ROR2: variants seen among roughly 807,000 people sequenced by gnomAD.
ROR2 encodes the protein ROR family WNT receptor 2, also known as tyrosine-protein kinase transmembrane receptor ROR2.
A neutral mutation model predicts 74.9 loss-of-function variants in ROR2; 33 were observed. The ratio of observed to expected loss-of-function variants is 0.44; its 90% CI spans 0.33 to 0.59. ROR2 has a LOEUF of 0.59. Ranked by LOEUF, ROR2 falls within the 20% of genes least tolerant of loss-of-function variation. The pLI is 0.02. For synonymous variants in ROR2, 586 were observed against 558.7 expected, an observed-to-expected ratio of 1.05 and a Z score of -0.69; for missense variants, 1,216 against 1,313.8, an observed-to-expected ratio of 0.93 and a Z score of 1.15.
intron 1 of ROR2, among the ~76,000 whole-genome samples, chr9:91,872,321 T>C (rs548403045): frequency 6.6e-6 from 1 of 152,274 alleles, no homozygotes; most frequent in East Asian, 1.9e-4. Flanking sequence ...GCACCGTTCG[T>C]CCTGGGGTGC....
chr9:91,844,242 T>C (rs1293875266), intron 1 of ROR2, among the ~76,000 whole-genome samples: 2 of 152,352 alleles, frequency 1.3e-5, no homozygotes, highest in East Asian at 3.9e-4. Context: ...GCTAGACTTC[T>C]AGCTACCAGT....
intron 4 of ROR2, among the ~76,000 whole-genome samples, chr9:91,744,393 T>C (rs1825342630): frequency 6.6e-6 from 1 of 151,860 alleles, no homozygotes; most frequent in African/African-American, 2.4e-5. Context: ...AGCTAATTTT[T>C]GTATTTTTTA....
chr9:91,845,864 C>A (rs1828912719), intron 1 of ROR2, among the ~76,000 whole-genome samples: 1 of 65,130 alleles, frequency 1.5e-5, no homozygotes, highest in African/African-American at 5.4e-5. Context: ...GGCAACAGAG[C>A]AAGAATCCAT....
chr9:91,830,147 A>G (rs1828419740), intron 1 of ROR2, among the ~76,000 whole-genome samples: 1 of 152,140 alleles, frequency 6.6e-6, no homozygotes, highest in Non-Finnish European at 1.5e-5. Context: ...CTTTACACCC[A>G]TTGAATTTAT....
chr9:91,843,743 T>C (rs1828848875), intron 1 of ROR2, among the ~76,000 whole-genome samples: 1 of 152,254 alleles, frequency 6.6e-6, no homozygotes, highest in African/African-American at 2.4e-5. Flanking sequence ...ACAAGCCCCG[T>C]GGCACCACCC....
Position 91,724,664 on chromosome 9 carries a change from G to T in ROR2, c.1830C>A (p.His610Gln). The change falls in exon 9 of 9, where the codon CAC becomes CAA. Residue 610 changes from histidine to glutamine, a missense_variant. His to Gln is a conservative substitution (Grantham distance 24). Transcript: ENST00000375708. The stretch of plus-strand genomic sequence containing the variant: ...GGGTGGCCAGGTCCTTGTGAACCAC[G>T]TGGTGGCTGGATAGGTACTCCATCC... ...AAGMEYLSSHHVVHKDLATRN... is the reference protein window; with the variant it reads ...AAGMEYLSSHQVVHKDLATRN... 6.2e-7 allele frequency: 1 copy of T among 1,614,174 alleles called. No individual in the cohort carries two copies. The highest frequency in any genetic ancestry group is 1.1e-5 in the South Asian group (1 of 91,088).
intron 7 of ROR2, 28 bp downstream of exon 7, chr9:91,730,882 A>G (rs1353811777): frequency 2.5e-6 from 4 of 1,613,754 alleles, no homozygotes; most frequent in Middle Eastern, 1.6e-4. Context: ...CAATCAACAC[A>G]TTAAAAAAAG....
chr9:91,773,539 C>T (rs2118923592), intron 2 of ROR2, among the ~76,000 whole-genome samples: 1 of 152,326 alleles, frequency 6.6e-6, no homozygotes, highest in Admixed American at 6.5e-5. Context: ...TTTGTGCTAC[C>T]CATTGTGGGA....
chr9:91,855,498 C>T (rs1454611830), intron 1 of ROR2, among the ~76,000 whole-genome samples: 1 of 152,202 alleles, frequency 6.6e-6, no homozygotes, highest in Non-Finnish European at 1.5e-5. Flanking sequence ...GGTTCATCTC[C>T]CACAGCACTG....
chr9:91,823,120 G>A (rs1385850013), intron 1 of ROR2, among the ~76,000 whole-genome samples: 1 of 152,206 alleles, frequency 6.6e-6, no homozygotes, highest in Admixed American at 6.5e-5. Flanking sequence ...TTTGCAGAGA[G>A]AGAAGCTATT....
At chr9:91,744,812 T>C (rs1825356515) in intron 4 of ROR2, among the ~76,000 whole-genome samples, 2 of 152,176 alleles carry the variant, frequency 1.3e-5, no homozygotes, top group Non-Finnish European at 2.9e-5. Flanking sequence ...AGGGTGCCAG[T>C]TCCCTGGGAA....
intron 1 of ROR2, among the ~76,000 whole-genome samples, chr9:91,858,452 T>C (rs1354200476): frequency 1.3e-5 from 2 of 152,118 alleles, no homozygotes; most frequent in Admixed American, 1.3e-4. Flanking sequence ...CACAGAGCAG[T>C]GGTTCTCAAA....
intron 1 of ROR2, among the ~76,000 whole-genome samples, chr9:91,936,813 G>A (rs935177004): frequency 1.3e-5 from 2 of 151,628 alleles, no homozygotes; most frequent in African/African-American, 2.4e-5. Context: ...GGCGGATCAC[G>A]AGGTCAGGAG....
intron 1 of ROR2, among the ~76,000 whole-genome samples, chr9:91,892,899 T>C (rs1671183568): frequency 6.6e-6 from 1 of 152,090 alleles, no homozygotes; most frequent in Non-Finnish European, 1.5e-5. Flanking sequence ...CACAGATACT[T>C]TCTCTTTTGT....
intron 1 of ROR2, among the ~76,000 whole-genome samples, chr9:91,821,350 T>G (rs1828132905): frequency 6.6e-6 from 1 of 152,206 alleles, no homozygotes. Context: ...GTGATAGGCA[T>G]GCATTGCTTC....
At chr9:91,927,562 C>CCTTTTTTTTTTTT (rs1831440201) in intron 1 of ROR2, among the ~76,000 whole-genome samples, 1 of 94,944 alleles carries the variant, frequency 1.1e-5, no homozygotes, top group Non-Finnish European at 2.0e-5. Flanking sequence ...TTTCTAGATT[C>CCTTTTTTTTTTTT]TTTTTTTTTT....
At chr9:91,809,647 T>A (rs1827680042) in intron 1 of ROR2, among the ~76,000 whole-genome samples, 1 of 152,228 alleles carries the variant, frequency 6.6e-6, no homozygotes, top group African/African-American at 2.4e-5. Flanking sequence ...CCAGTGTGAC[T>A]CATTTTTAGC....
chr9:91,737,481 G>T lies in ROR2; in HGVS notation c.532C>A (p.Arg178=), dbSNP rs377228797. 1 of 1,614,040 alleles carries T rather than the reference G, an allele frequency of 6.2e-7. No individual in the cohort carries two copies. The highest frequency in any genetic ancestry group is 1.3e-5 in the African/African-American group (1 of 74,900). The change falls in exon 5 of 9, where the codon CGG becomes AGG. Residue 178 remains arginine, a synonymous_variant. Coordinates refer to ENST00000375708, the MANE Select transcript of ROR2 (RefSeq NM_004560.4). ...ATGAAGCGTGCACAGGCAATTCCCCGGTAAGGCTGGCAGAACCCATCCTCG... is the reference window on the plus strand; with the variant it reads ...ATGAAGCGTGCACAGGCAATTCCCCTGTAAGGCTGGCAGAACCCATCCTCG... ...YHEDGFCQPY[R]GIACARFIGN...
At chr9:91,919,004 CCT>C (rs1246285631) in intron 1 of ROR2, among the ~76,000 whole-genome samples, 5 of 149,280 alleles carry the variant, frequency 3.3e-5, no homozygotes, top group East Asian at 1.9e-4. Context: ...AGTCCGCACC[CCT>C]GTGACCTCAT....
Sources: gnomAD v4.1 joint callset for allele counts (sites outside exome capture counted in the v4.1 genomes callset) on GRCh38, gnomAD v4.1.1 for gene constraint, MANE v1.5 for transcripts, NCBI Gene and HGNC (gene_info 2026-07-23, HGNC 2026-07-21) for gene names.